Variants in ERBB4 observed in about 807,000 individuals in gnomAD.
ERBB4 encodes receptor tyrosine-protein kinase erbB-4.
Under a neutral mutation model 158.0 loss-of-function variants are expected in ERBB4, and 42 were observed. The observed-to-expected ratio is 0.27, with a 90% CI of 0.21 to 0.34. The LOEUF (loss-of-function observed/expected upper bound fraction) is 0.34, where lower values mean the gene tolerates loss of function less well. Ranked by LOEUF, ERBB4 falls within the 10% of genes least tolerant of loss-of-function variation. ERBB4 has a pLI of 1.00. For missense variants in ERBB4, 1,333 were observed against 1,624.1 expected (o/e 0.82, Z 3.08); for synonymous variants, 583 against 558.7 (o/e 1.04, Z -0.61).
At chr2:211,689,917 T>C (rs2072731677) in intron 12 of ERBB4, among the ~76,000 whole-genome samples, 1 of 151,710 alleles carries the variant, frequency 6.6e-6, no homozygotes, top group African/African-American at 2.4e-5. Context: ...GTCACGAGTC[T>C]CTCCGTATTG....
intron 2 of ERBB4, among the ~76,000 whole-genome samples, chr2:212,032,049 T>A (rs1176842701): frequency 6.6e-6 from 1 of 152,100 alleles, no homozygotes; most frequent in Non-Finnish European, 1.5e-5. Context: ...TTGCTAAATA[T>A]TATTTTAGAA....
At chr2:212,191,975 T>A (rs1396912303) in intron 1 of ERBB4, among the ~76,000 whole-genome samples, 3 of 102,712 alleles carry the variant, frequency 2.9e-5, no homozygotes, top group East Asian at 5.0e-4. Context: ...TGTTATATGT[T>A]ATATATGTTA....
chr2:212,205,718 G>C (rs1363679437), intron 1 of ERBB4, among the ~76,000 whole-genome samples: 1 of 152,082 alleles, frequency 6.6e-6, no homozygotes, highest in Non-Finnish European at 1.5e-5. Flanking sequence ...ACATGTAGGA[G>C]GGTCTTATAG....
chr2:211,441,427 C>T (rs535939222), intron 20 of ERBB4, among the ~76,000 whole-genome samples: 7 of 152,272 alleles, frequency 4.6e-5, no homozygotes, highest in African/African-American at 1.2e-4. Context: ...ATACAAATTT[C>T]ACTGTTTCTT....
chr2:211,463,410 G>A (rs879795030), intron 20 of ERBB4, among the ~76,000 whole-genome samples: 1 of 152,100 alleles, frequency 6.6e-6, no homozygotes, highest in Admixed American at 6.6e-5. Flanking sequence ...GGTTCCTATG[G>A]GGAATTTTGA....
chr2:212,407,289 TA>T (rs891462636), intron 1 of ERBB4, among the ~76,000 whole-genome samples: 21 of 152,020 alleles, frequency 1.4e-4, no homozygotes, highest in Non-Finnish European at 2.6e-4. Context: ...TACCTGAAAG[TA>T]AAAATAAAAT....
chr2:211,678,307 AAAC>A (rs200935675), intron 13 of ERBB4, among the ~76,000 whole-genome samples: 2 of 98,544 alleles, frequency 2.0e-5, no homozygotes, highest in African/African-American at 7.1e-5. Flanking sequence ...AAACAAAAAA[AAAC>A]AAACAAACAA....
chr2:211,596,521 G>A lies in ERBB4; in HGVS notation c.2301+22656C>T, dbSNP rs560354259. Among the ~76,000 whole-genome samples, 9 of 152,240 alleles carry A rather than the reference G, an allele frequency of 5.9e-5. No homozygotes were observed. The East Asian group carries it at 1.7e-3, about 29-fold the overall frequency. On this transcript the variant is annotated intron_variant, in intron 19 of 27. Transcript: ENST00000342788. ...CCTTAACTCTCACTTTTCTCTATGT[G>A]TCAGATGGTTCTAAGGTATAATCTG...
intron 1 of ERBB4, among the ~76,000 whole-genome samples, chr2:212,241,310 G>A (rs2084096558): frequency 6.6e-6 from 1 of 151,528 alleles, no homozygotes; most frequent in Admixed American, 6.6e-5. Flanking sequence ...CAAACAGTAG[G>A]GAAGAGAAAA....
At chr2:211,936,471 T>G (rs1181623198) in intron 3 of ERBB4, among the ~76,000 whole-genome samples, 2 of 152,102 alleles carry the variant, frequency 1.3e-5, no homozygotes, top group East Asian at 3.8e-4. Context: ...GTTATAGTCA[T>G]TATGATTCGA....
intron 1 of ERBB4, among the ~76,000 whole-genome samples, chr2:212,266,433 G>C (rs2085139390): frequency 6.6e-6 from 1 of 151,968 alleles, no homozygotes. Flanking sequence ...AGCAGTTTCA[G>C]GGTAACTTGA....
At chr2:212,166,223 A>G (rs1366235334) in intron 1 of ERBB4, among the ~76,000 whole-genome samples, 1 of 152,066 alleles carries the variant, frequency 6.6e-6, no homozygotes, top group Non-Finnish European at 1.5e-5. Context: ...CATCTTTGAT[A>G]TTACACTCAG....
intron 3 of ERBB4, among the ~76,000 whole-genome samples, chr2:211,890,512 A>G (rs2078934785): frequency 6.6e-6 from 1 of 152,018 alleles, no homozygotes; most frequent in South Asian, 2.1e-4. Context: ...GAGCAAAATC[A>G]CCAGCTAACA....
At chr2:212,191,839 A>G (rs1382172380) in intron 1 of ERBB4, among the ~76,000 whole-genome samples, 1 of 132,106 alleles carries the variant, frequency 7.6e-6, no homozygotes, top group Non-Finnish European at 1.6e-5. Flanking sequence ...TGTTATATAT[A>G]ATACATGTTA....
At chr2:212,134,710 G>A (rs2080217333) in intron 1 of ERBB4, among the ~76,000 whole-genome samples, 1 of 116,490 alleles carries the variant, frequency 8.6e-6, no homozygotes, top group Non-Finnish European at 1.6e-5. Flanking sequence ...TTGAGATGGA[G>A]TCTGGCTCTG....
At chr2:211,659,262 A>G (rs2071331580) in intron 15 of ERBB4, among the ~76,000 whole-genome samples, 1 of 152,086 alleles carries the variant, frequency 6.6e-6, no homozygotes, top group African/African-American at 2.4e-5. Flanking sequence ...GGAGTAGCGC[A>G]GACAAATTTT....
chr2:212,038,588 G>A (rs561457370), intron 2 of ERBB4, among the ~76,000 whole-genome samples: 73 of 152,098 alleles, frequency 4.8e-4, no homozygotes, highest in Middle Eastern at 3.4e-3. Context: ...TGAGTTACTC[G>A]TTGATTCTTT....
intron 22 of ERBB4, among the ~76,000 whole-genome samples, chr2:211,427,260 G>A (rs2063649908): frequency 6.6e-6 from 1 of 151,346 alleles, no homozygotes; most frequent in Admixed American, 6.6e-5. Flanking sequence ...TTTTTTTTAA[G>A]CTTAAGTTTG....
At chr2:211,495,934 CTCT>C (rs1281756789) in intron 20 of ERBB4, among the ~76,000 whole-genome samples, 1 of 151,700 alleles carries the variant, frequency 6.6e-6, no homozygotes, top group African/African-American at 2.4e-5. Flanking sequence ...TAGGGTTGTC[CTCT>C]TCTATTTCTA....
Sources: allele counts gnomAD v4.1 joint callset (sites outside exome capture counted in the v4.1 genomes callset), GRCh38; gene constraint gnomAD v4.1.1; transcripts MANE v1.5; gene names NCBI Gene and HGNC (gene_info 2026-07-23, HGNC 2026-07-21).